The following TTC23 variants were observed in gnomAD, a reference collection of about 807,000 sequenced individuals.
The protein encoded by TTC23 is tetratricopeptide repeat protein 23.
A neutral mutation model predicts 55.1 loss-of-function variants in TTC23; 58 were observed. That is an observed-to-expected ratio of 1.05 (90% CI 0.85 to 1.31). The LOEUF is 1.31. Among genes scored for constraint, TTC23 ranks in the 50% most tolerant of loss-of-function variants. The probability of loss-of-function intolerance (pLI) is 0.00; values close to 1 mark genes in which losing one functional copy is unlikely to be tolerated. For synonymous variants in TTC23, 203 were observed against 199.9 expected (o/e 1.02, Z -0.13); for missense variants, 516 against 534.4 (o/e 0.97, Z 0.34).
chr15:99,148,002 T>A (rs1271099729), intron 12 of TTC23, among the ~76,000 whole-genome samples: 1 of 152,168 alleles, frequency 6.6e-6, no homozygotes, highest in South Asian at 2.1e-4. Context: ...TTGGCCTGCT[T>A]GGAGGAATGG....
chr15:99,199,783 A>G, intron 9 of TTC23, 136 bp downstream of exon 9: 1 of 805,340 alleles, frequency 1.2e-6, no homozygotes, highest in Non-Finnish European at 1.9e-6. Context: ...TTTGTTGAGC[A>G]TCTACTCTAG....
chr15:99,154,093 A>AAT (rs782175090), intron 12 of TTC23, among the ~76,000 whole-genome samples: 3 of 152,226 alleles, frequency 2.0e-5, no homozygotes, highest in Non-Finnish European at 4.4e-5. Flanking sequence ...ATTGTCAAGG[A>AAT]ATTTCCCTAC....
chr15:99,204,190 G>A (rs72756876), intron 8 of TTC23, among the ~76,000 whole-genome samples: 3 of 151,932 alleles, frequency 2.0e-5, no homozygotes, highest in Non-Finnish European at 2.9e-5. Context: ...CATTTTAATC[G>A]GGGTGCGATA....
At chr15:99,234,485 C>T (rs189868028) in intron 4 of TTC23, among the ~76,000 whole-genome samples, 3 of 152,324 alleles carry the variant, frequency 2.0e-5, no homozygotes, top group Admixed American at 2.0e-4. Context: ...ATTGTCCTGC[C>T]TCAGCCTCCT....
At chr15:99,217,238 C>T (rs1485656120) in intron 8 of TTC23, among the ~76,000 whole-genome samples, 1 of 151,638 alleles carries the variant, frequency 6.6e-6, no homozygotes, top group Non-Finnish European at 1.5e-5. Flanking sequence ...CTCACTGCAA[C>T]CTCTGCCTCC....
chr15:99,227,187 T>A (rs984482614), intron 5 of TTC23, among the ~76,000 whole-genome samples: 7 of 152,192 alleles, frequency 4.6e-5, no homozygotes, highest in South Asian at 2.1e-4. Context: ...TCTATAATCC[T>A]GGTCTTTCTC....
intron 9 of TTC23, among the ~76,000 whole-genome samples, chr15:99,194,679 T>C (rs1447754990): frequency 2.0e-5 from 3 of 151,208 alleles, no homozygotes; most frequent in Non-Finnish European, 4.4e-5. Context: ...CTCACACCTA[T>C]AATCCCAGCA....
chr15:99,181,667 G>C (rs1216502791), intron 9 of TTC23, among the ~76,000 whole-genome samples: 1 of 152,150 alleles, frequency 6.6e-6, no homozygotes, highest in Non-Finnish European at 1.5e-5. Context: ...GCAGCCCCGG[G>C]TTGCCATTTC....
chr15:99,201,066 T>C (rs2076159334), intron 8 of TTC23, among the ~76,000 whole-genome samples: 1 of 152,250 alleles, frequency 6.6e-6, no homozygotes, highest in African/African-American at 2.4e-5. Context: ...CATTGCTATG[T>C]TAGCAATACT....
At position 99,199,155 on chromosome 15, in the gene TTC23, C is replaced by CT. The variant is rs533365009; in HGVS notation, c.759+763dup. Among the ~76,000 whole-genome samples, 5 of 152,098 alleles carry CT rather than the reference C, an allele frequency of 3.3e-5. No individual in the cohort carries two copies. The South Asian group carries it at 1.0e-3, about 32-fold the overall frequency. On this transcript the variant is annotated intron_variant, in intron 9 of 13. Coordinates refer to ENST00000394132, the MANE Select transcript of TTC23 (RefSeq NM_001288615.3). Reference sequence around the variant, plus strand: ...GGCCCTCATCAAATCAGTTGAAGACCTAGAGTGAAAAACTGAGGCTTCTAG... The same window carrying CT: ...GGCCCTCATCAAATCAGTTGAAGACCTTAGAGTGAAAAACTGAGGCTTCTAG...
intron 4 of TTC23, among the ~76,000 whole-genome samples, chr15:99,233,103 G>C (rs562347539): frequency 6.6e-6 from 1 of 152,220 alleles, no homozygotes; most frequent in Admixed American, 6.5e-5. Context: ...CACAAGTAGA[G>C]AGTAGAATGC....
intron 12 of TTC23, among the ~76,000 whole-genome samples, chr15:99,150,583 G>A (rs1196853700): frequency 1.3e-5 from 2 of 152,220 alleles, no homozygotes; most frequent in East Asian, 3.8e-4. Flanking sequence ...GGGCAATATA[G>A]TTCTATATAG....
At position 99,218,979 on chromosome 15, in the gene TTC23, G is replaced by C. The variant is rs2077692981; in HGVS notation, c.374C>G (p.Pro125Arg). ...RQILANSIVPPYSENTDVFKF... is the reference protein window; with the variant it reads ...RQILANSIVPRYSENTDVFKF... ...GAAAACATCTGTATTCTCACTATAG[G>C]GAGGCACAATGGAGTTGGCGAGGAT... The change falls in exon 7 of 14, where the codon CCC becomes CGC. Residue 125 changes from proline to arginine, a missense_variant. Coordinates refer to ENST00000394132, the MANE Select transcript of TTC23 (RefSeq NM_001288615.3). 2 of 1,614,066 alleles carry C rather than the reference G, an allele frequency of 1.2e-6. No individual in the cohort carries two copies. Among genetic ancestry groups the C allele is most frequent in the Non-Finnish European group, 1.7e-6 (2 of 1,180,032 alleles).
chr15:99,144,692 A>T (rs894784134), intron 12 of TTC23: 2 of 152,220 alleles, frequency 1.3e-5, no homozygotes, highest in African/African-American at 2.4e-5. Context: ...AAAGCATACT[A>T]TTCATTTCTG....
chr15:99,166,732 C>G (rs544393605), intron 10 of TTC23, among the ~76,000 whole-genome samples: 2 of 152,234 alleles, frequency 1.3e-5, no homozygotes, highest in East Asian at 3.9e-4. Context: ...GTGCTTTTCC[C>G]ATTTTTGTTC....
At position 99,137,405 on chromosome 15, in the gene TTC23, G is replaced by A. The variant is rs2067676738; in HGVS notation, c.*605C>T. ...CCTTTCTTTTCACTCCCTTACACCT[G>A]CCTCCTGGGCCCCAGGCCAAGTCAG... On this transcript the variant is annotated 3_prime_UTR_variant, in exon 14 of 14. Transcript: ENST00000394132. 6.6e-6 allele frequency: 1 copy of A among 152,308 alleles called. No homozygotes were observed. The highest frequency in any genetic ancestry group is 2.1e-4 in the South Asian group (1 of 4,838). The allele number at this position is 152,308 out of a possible 1,614,324, so 9.4% of individuals were successfully genotyped here. A position where few individuals can be genotyped will look rare whatever the true frequency, so the allele number is the denominator to read the frequency against.
intron 4 of TTC23, among the ~76,000 whole-genome samples, chr15:99,233,801 G>A (rs1474566830): frequency 2.6e-5 from 4 of 152,110 alleles, no homozygotes; most frequent in Admixed American, 6.5e-5. Context: ...ATAAAGCTAC[G>A]GTAGGCAAGG....
chr15:99,247,342 C>T (rs1397361681), intron 1 of TTC23, among the ~76,000 whole-genome samples: 4 of 152,164 alleles, frequency 2.6e-5, no homozygotes, highest in Non-Finnish European at 4.4e-5. Flanking sequence ...TGAAAACACA[C>T]GTTCATACAA....
intron 9 of TTC23, among the ~76,000 whole-genome samples, chr15:99,197,434 A>G (rs2075837965): frequency 6.6e-6 from 1 of 151,912 alleles, no homozygotes; most frequent in South Asian, 2.1e-4. Flanking sequence ...CCCAGTATTC[A>G]CCTCAACAAA....
Sources: gnomAD v4.1 joint callset for allele counts (sites outside exome capture counted in the v4.1 genomes callset) on GRCh38, gnomAD v4.1.1 for gene constraint, MANE v1.5 for transcripts, NCBI Gene and HGNC (gene_info 2026-07-23, HGNC 2026-07-21) for gene names.